ALPK2: variants seen among roughly 807,000 people sequenced by gnomAD.
ALPK2 encodes the protein alpha-protein kinase 2.
Under a neutral mutation model 163.1 loss-of-function variants are expected in ALPK2, and 127 were observed. That is an observed-to-expected ratio of 0.78 (90% CI 0.67 to 0.90). The LOEUF is 0.90. ALPK2 is among the 40% of genes least tolerant of loss of function. The probability of loss-of-function intolerance (pLI) is 0.00; values close to 1 mark genes in which losing one functional copy is unlikely to be tolerated. For synonymous variants in ALPK2, 953 were observed against 959.1 expected, an observed-to-expected ratio of 0.99 and a Z score of 0.12; for missense variants, 2,360 against 2,589.6, an observed-to-expected ratio of 0.91 and a Z score of 1.92.
At chr18:58,569,535 G>GGA (rs1026086845) in intron 4 of ALPK2, among the ~76,000 whole-genome samples, 13 of 152,300 alleles carry the variant, frequency 8.5e-5, no homozygotes, top group Middle Eastern at 3.4e-3. Context: ...CAGTAGGACT[G>GGA]GAACAGGGCT....
intron 4 of ALPK2, among the ~76,000 whole-genome samples, chr18:58,548,192 C>G (rs775432363): frequency 4.1e-4 from 63 of 152,148 alleles, no homozygotes; most frequent in Non-Finnish European, 9.0e-4. Context: ...AGCCAGTCAC[C>G]TGCCTCAGAT....
intron 10 of ALPK2, among the ~76,000 whole-genome samples, chr18:58,508,908 A>G (rs1230469935): frequency 1.3e-5 from 2 of 151,522 alleles, no homozygotes; most frequent in African/African-American, 4.9e-5. Flanking sequence ...TTATACTTTA[A>G]GTTTTAGGGT....
chr18:58,548,472 C>T (rs2051731913), intron 4 of ALPK2, among the ~76,000 whole-genome samples: 1 of 152,064 alleles, frequency 6.6e-6, no homozygotes, highest in African/African-American at 2.4e-5. Flanking sequence ...AAGCGAGTGC[C>T]ACCATGGCCA....
intron 5 of ALPK2, among the ~76,000 whole-genome samples, chr18:58,530,878 T>A (rs539482401): frequency 5.9e-5 from 9 of 152,232 alleles, no homozygotes; most frequent in Non-Finnish European, 1.2e-4. Flanking sequence ...AATAAAAAGT[T>A]TCTGTTGTAC....
At chr18:58,555,189 C>G (rs566305542) in intron 4 of ALPK2, among the ~76,000 whole-genome samples, 1 of 152,184 alleles carries the variant, frequency 6.6e-6, no homozygotes, top group Non-Finnish European at 1.5e-5. Flanking sequence ...ACTGCAAGTT[C>G]GAGTTGTTCG....
chr18:58,536,545 G>A lies in ALPK2; in HGVS notation c.3642C>T (p.Leu1214=). 3 of 1,613,908 alleles carry A rather than the reference G, an allele frequency of 1.9e-6. No homozygotes were observed. Among genetic ancestry groups the A allele is most frequent in the East Asian group, 4.5e-5 (2 of 44,884 alleles). Residue 1214 remains leucine, a synonymous_variant, in exon 5 of 13, where the codon CTC becomes CTT. Transcript: ENST00000361673. ...DSQALSNVPS[L]SDILLEESKE... ...TAGACTCTTCCAAAAGGATATCAGA[G>A]AGAGATGGAACGTTGCTCAGAGCCT...
At chr18:58,507,113 A>AT (rs1013360722) in intron 10 of ALPK2, among the ~76,000 whole-genome samples, 7 of 151,828 alleles carry the variant, frequency 4.6e-5, no homozygotes, top group Admixed American at 6.6e-5. Flanking sequence ...ATGTTCATTA[A>AT]TTTTTTTTTA....
intron 4 of ALPK2, among the ~76,000 whole-genome samples, chr18:58,564,949 G>A (rs894231193): frequency 6.6e-6 from 1 of 152,070 alleles, no homozygotes; most frequent in African/African-American, 2.4e-5. Flanking sequence ...CCTCTCCAGA[G>A]TTAATCCTAT....
chr18:58,589,492 G>A (rs2144208357), intron 3 of ALPK2, among the ~76,000 whole-genome samples: 1 of 152,250 alleles, frequency 6.6e-6, no homozygotes, highest in South Asian at 2.1e-4. Context: ...TATCAAAGAG[G>A]AATATGAAGA....
intron 5 of ALPK2, among the ~76,000 whole-genome samples, chr18:58,530,080 A>T (rs1375121938): frequency 6.6e-6 from 1 of 152,242 alleles, no homozygotes; most frequent in Non-Finnish European, 1.5e-5. Flanking sequence ...AACACAAAAA[A>T]GTACATCAGT....
chr18:58,481,392 G>A lies in ALPK2; in HGVS notation c.*431C>T, dbSNP rs141939883. ...ACAACTTGATCCAGTGAGCGAATTC[G>A]TGATTTCTGTTTACATCACAGCAGG... On this transcript the variant is annotated 3_prime_UTR_variant, in exon 13 of 13. Transcript: ENST00000361673. 9 of 167,518 alleles carry A rather than the reference G, an allele frequency of 5.4e-5. No homozygotes were observed. The highest frequency in any genetic ancestry group is 5.0e-4 in the South Asian group (3 of 5,950). 10.4% of individuals were successfully genotyped at this position (167,518 alleles called of 1,614,324 possible).
rs560708927 is a variant in ALPK2 at position 58,547,815 on chromosome 18, A to G, written c.1963-9591T>C. ...AATGAATCCCTGCTGTATGTAGACC[A>G]TGAGCCTGGGGTGAGTGGGATGGTA... On this transcript the variant is annotated intron_variant, in intron 4 of 12. Coordinates refer to ENST00000361673, the MANE Select transcript of ALPK2 (RefSeq NM_052947.4). 1.6e-4 allele frequency among the ~76,000 whole-genome samples: 25 copies of G among 152,320 alleles called. No individual in the cohort carries two copies. The South Asian group carries it at 2.3e-3, about 14-fold the overall frequency.
chr18:58,618,033 A>C (rs541636442), intron 1 of ALPK2, among the ~76,000 whole-genome samples: 4 of 152,232 alleles, frequency 2.6e-5, no homozygotes, highest in Non-Finnish European at 5.9e-5. Flanking sequence ...GACTGTTCAC[A>C]TATCACATTA....
At chr18:58,593,735 A>G (rs753414545) in intron 3 of ALPK2, among the ~76,000 whole-genome samples, 17 of 148,796 alleles carry the variant, frequency 1.1e-4, no homozygotes, top group Non-Finnish European at 2.5e-4. Flanking sequence ...AAAATTAGCC[A>G]GGCGTGGTGG....
intron 3 of ALPK2, among the ~76,000 whole-genome samples, chr18:58,583,977 G>A (rs1197713930): frequency 1.3e-5 from 2 of 152,146 alleles, no homozygotes; most frequent in Admixed American, 6.5e-5. Context: ...AATCAGGAGA[G>A]GTGGGGAGCA....
Position 58,493,630 on chromosome 18 carries a change from A to G in ALPK2, c.6296+4419T>C, listed in dbSNP as rs567192693. 5.8e-4 allele frequency among the ~76,000 whole-genome samples: 89 copies of G among 152,230 alleles called. 1 individual carries two copies. The highest frequency in any genetic ancestry group is 1.5e-3 in the African/African-American group (63 of 41,540). ...ACCAGAGCTAGGCACGCAGACCCCA[A>G]TGGAGCCTGCTTTCTCAAGGCAACT... On this transcript the variant is annotated intron_variant, in intron 12 of 12. Coordinates refer to ENST00000361673, the MANE Select transcript of ALPK2 (RefSeq NM_052947.4).
intron 4 of ALPK2, among the ~76,000 whole-genome samples, chr18:58,543,842 C>A (rs1331489370): frequency 1.3e-5 from 2 of 152,314 alleles, no homozygotes; most frequent in East Asian, 3.9e-4. Context: ...AAAGCCAAGT[C>A]TGTGAGGCTA....
At chr18:58,599,702 G>A (rs1253947711) in intron 3 of ALPK2, among the ~76,000 whole-genome samples, 1 of 152,108 alleles carries the variant, frequency 6.6e-6, no homozygotes, top group African/African-American at 2.4e-5. Context: ...TTTGGGGTGG[G>A]GAGCATGTTT....
chr18:58,607,416 A>G lies in ALPK2; in HGVS notation c.133T>C (p.Trp45Arg). ...ISGQPKPEVT[W>R]YKNGQAIDGS... Reference sequence around the variant, plus strand: ...TCGATGGCCTGACCATTCTTATACCAAGTTACCTCTGGCTTGGGCTGACCT... The same window carrying G: ...TCGATGGCCTGACCATTCTTATACCGAGTTACCTCTGGCTTGGGCTGACCT... Residue 45 changes from tryptophan (W) to arginine (R), a missense_variant, in exon 3 of 13, where the codon TGG becomes CGG. Coordinates refer to ENST00000361673, the MANE Select transcript of ALPK2 (RefSeq NM_052947.4). 1 of 1,613,052 alleles carries G rather than the reference A, an allele frequency of 6.2e-7. No individual in the cohort carries two copies. The highest frequency in any genetic ancestry group is 8.5e-7 in the Non-Finnish European group (1 of 1,179,534).
Sources: gnomAD v4.1 joint callset for allele counts (sites outside exome capture counted in the v4.1 genomes callset) on GRCh38, gnomAD v4.1.1 for gene constraint, MANE v1.5 for transcripts, NCBI Gene and HGNC (gene_info 2026-07-23, HGNC 2026-07-21) for gene names.